Variants in LNPK observed in about 807,000 individuals in gnomAD.
LNPK encodes endoplasmic reticulum junction formation protein lunapark.
Under a neutral mutation model 55.2 loss-of-function variants are expected in LNPK, and 29 were observed. That is an observed-to-expected ratio of 0.53 (90% confidence interval 0.39 to 0.72). The LOEUF (loss-of-function observed/expected upper bound fraction) is 0.72, where lower values mean the gene tolerates loss of function less well. Ranked by LOEUF, LNPK falls within the 30% of genes least tolerant of loss-of-function variation. LNPK has a pLI of 0.00. For synonymous variants in LNPK, 162 were observed against 168.2 expected, an observed-to-expected ratio of 0.96 and a Z score of 0.29; for missense variants, 467 against 494.8, an observed-to-expected ratio of 0.94 and a Z score of 0.53.
chr2:175,936,894 A>C (rs1467800005), intron 12 of LNPK, among the ~76,000 whole-genome samples: 2 of 152,220 alleles, frequency 1.3e-5, no homozygotes, highest in Non-Finnish European at 2.9e-5. Context: ...ATAACTTTAT[A>C]ATTCCAAAGT....
At chr2:175,956,877 T>C (rs1685720683) in intron 8 of LNPK, among the ~76,000 whole-genome samples, 1 of 152,042 alleles carries the variant, frequency 6.6e-6, no homozygotes, top group African/African-American at 2.4e-5. Context: ...AAACCAACCA[T>C]TTGCCTACTC....
chr2:175,947,484 T>G lies in LNPK; in HGVS notation c.702A>C (p.Gly234=). ...HLGSPATSVP[G]MGLHPPGPPL... Reference sequence around the variant, plus strand: ...AACATTAAGTGCTCTGTTTACCCATTCCAGGCACTGAAGTAGCAGGGGATC... The same window carrying G: ...AACATTAAGTGCTCTGTTTACCCATGCCAGGCACTGAAGTAGCAGGGGATC... The change falls in exon 9 of 13, where the codon GGA becomes GGC. Residue 234 remains glycine, a synonymous_variant. Transcript: ENST00000272748. The G allele has an allele frequency of 6.2e-7, 1 of 1,611,948 alleles. No homozygotes were observed. The highest frequency in any genetic ancestry group is 8.5e-7 in the Non-Finnish European group (1 of 1,178,592).
In LNPK at chr2:175,970,874, C is replaced by T. The variant is rs577300408; in HGVS notation, c.317-70G>A. Reference sequence around the variant, plus strand: ...AGAAAAAATCACGCCAAATGACACACGGTAGCAAACACAAGAAAACTTTCT... The same window carrying T: ...AGAAAAAATCACGCCAAATGACACATGGTAGCAAACACAAGAAAACTTTCT... On this transcript the variant is annotated intron_variant, in intron 5 of 12. Transcript: ENST00000272748. 7.5e-5 allele frequency: 94 copies of T among 1,248,376 alleles called. 1 individual carries two copies. The South Asian group carries it at 1.0e-3, about 13-fold the overall frequency. The allele number at this position is 1,248,376 out of a possible 1,614,324, so 77.3% of individuals were successfully genotyped here. A position where few individuals can be genotyped will look rare whatever the true frequency, so the allele number is the denominator to read the frequency against.
intron 6 of LNPK, among the ~76,000 whole-genome samples, chr2:175,965,684 G>A (rs903595944): frequency 6.6e-6 from 1 of 151,982 alleles, no homozygotes; most frequent in African/African-American, 2.4e-5. Flanking sequence ...TATTAGCCTT[G>A]CCTTGGTTTA....
chr2:175,929,101 A>T lies in LNPK; in HGVS notation c.*866T>A. On this transcript the variant is annotated 3_prime_UTR_variant, in exon 13 of 13. Transcript: ENST00000272748. Reference sequence around the variant, plus strand: ...CAAGATACTGTTTGAAGAAGACTAGATATTTAGCAAAATGAAACTGATGCC... The same window carrying T: ...CAAGATACTGTTTGAAGAAGACTAGTTATTTAGCAAAATGAAACTGATGCC... 1 of 985,402 alleles carries T rather than the reference A, an allele frequency of 1.0e-6. No individual in the cohort carries two copies. Among genetic ancestry groups the T allele is most frequent in the Non-Finnish European group, 1.2e-6 (1 of 829,534 alleles). 61.0% of individuals were successfully genotyped at this position (985,402 alleles called of 1,614,324 possible).
chr2:175,938,222 A>C (rs1203143287), intron 11 of LNPK, 91 bp downstream of exon 11: 1 of 764,278 alleles, frequency 1.3e-6, no homozygotes, highest in African/African-American at 1.8e-5. Context: ...CAAAGAGAGT[A>C]TATAAAATAA....
At chr2:175,944,342 T>C (rs1452618852) in intron 9 of LNPK, among the ~76,000 whole-genome samples, 1 of 152,050 alleles carries the variant, frequency 6.6e-6, no homozygotes, top group Non-Finnish European at 1.5e-5. Context: ...ATACTAATGG[T>C]GAGTTGGGAG....
intron 1 of LNPK, among the ~76,000 whole-genome samples, chr2:175,997,703 C>CTTTATATGTGTGTG (rs1491566543): frequency 2.1e-3 from 97 of 45,868 alleles, no homozygotes; most frequent in African/African-American, 5.9e-3. Flanking sequence ...AAAACAAATG[C>CTTTATATGTGTGTG]TCTGTGTGTG....
chr2:175,930,952 G>A (rs181370818), intron 12 of LNPK, among the ~76,000 whole-genome samples: 31 of 152,150 alleles, frequency 2.0e-4, no homozygotes, highest in African/African-American at 7.5e-4. Context: ...AACTCTCTAA[G>A]TATTATTGAA....
intron 9 of LNPK, among the ~76,000 whole-genome samples, chr2:175,946,735 A>G (rs1298876784): frequency 2.0e-5 from 3 of 152,148 alleles, no homozygotes; most frequent in African/African-American, 7.2e-5. Context: ...CATTAGAATA[A>G]TCTAAAACAA....
At chr2:175,944,936 G>T (rs1685046103) in intron 9 of LNPK, among the ~76,000 whole-genome samples, 2 of 146,378 alleles carry the variant, frequency 1.4e-5, no homozygotes, top group Admixed American at 6.8e-5. Context: ...AGTACACTTT[G>T]TTTTTTTTTT....
At chr2:175,930,225 T>C (rs1001148807) in intron 12 of LNPK, 26 bp from the exon 13 acceptor site, 3 of 1,597,716 alleles carry the variant, frequency 1.9e-6, no homozygotes, top group Non-Finnish European at 2.6e-6. Flanking sequence ...TTCAAAACTT[T>C]AGGAATACCT....
At position 175,964,525 on chromosome 2, in the gene LNPK, G is replaced by A. The variant is rs771763415; in HGVS notation, c.422C>T (p.Pro141Leu). The change falls in exon 7 of 13, where the codon CCG becomes CTG. Residue 141 changes from proline to leucine, a missense_variant. Coordinates refer to ENST00000272748, the MANE Select transcript of LNPK (RefSeq NM_030650.3). ...TCTTACCTTTGCTTTCTTTGAGTCC[G>A]GATCAAACCTTTCAAGAATTAATTT... ...TAKLILERFD[P>L]DSKKAKECEP... is the part of the protein sequence containing the mutation. The A allele has an allele frequency of 1.4e-5, 23 of 1,608,454 alleles. No homozygotes were observed. The highest frequency in any genetic ancestry group is 2.7e-5 in the African/African-American group (2 of 74,768).
intron 12 of LNPK, among the ~76,000 whole-genome samples, chr2:175,933,331 G>A (rs561046175): frequency 2.8e-4 from 43 of 152,120 alleles, no homozygotes; most frequent in South Asian, 1.5e-3. Flanking sequence ...TCATGTTTAG[G>A]TTTTTACTCT....
chr2:175,978,910 T>C (rs1029674113), intron 5 of LNPK, among the ~76,000 whole-genome samples: 1 of 152,096 alleles, frequency 6.6e-6, no homozygotes, highest in Non-Finnish European at 1.5e-5. Context: ...GGGTAGATTA[T>C]AGGATCTAAT....
intron 4 of LNPK, 149 bp downstream of exon 4, chr2:175,992,082 T>C (rs1275452734): frequency 1.9e-6 from 1 of 537,900 alleles, no homozygotes; most frequent in Non-Finnish European, 3.1e-6. Flanking sequence ...ATTGTTCTAC[T>C]AAAAAAATCT....
At chr2:175,947,385 G>A (rs1685185356) in intron 9 of LNPK, 95 bp downstream of exon 9, 2 of 988,162 alleles carry the variant, frequency 2.0e-6, no homozygotes, top group African/African-American at 3.2e-5. Flanking sequence ...ATTTCCAAAT[G>A]AAATGCCATT....
chr2:175,953,220 G>A (rs1023485221), intron 8 of LNPK, among the ~76,000 whole-genome samples: 2 of 151,858 alleles, frequency 1.3e-5, no homozygotes, highest in African/African-American at 4.8e-5. Context: ...ACTCTTAAAT[G>A]TCAATGTTCC....
Position 175,929,893 on chromosome 2 carries a change from A to C in LNPK, c.*74T>G. 1 of 1,581,242 alleles carries C rather than the reference A, an allele frequency of 6.3e-7. No individual in the cohort carries two copies. The highest frequency in any genetic ancestry group is 2.3e-5 in the East Asian group (1 of 44,414). On this transcript the variant is annotated 3_prime_UTR_variant, in exon 13 of 13. Coordinates refer to ENST00000272748, the MANE Select transcript of LNPK (RefSeq NM_030650.3). ...TACCCTTAGAGGGGCAAAAAAAGTA[A>C]GTGCCACCGAAAAAGCAATAACTGA... is the stretch of plus-strand genomic sequence containing the variant.
Sources: allele counts gnomAD v4.1 joint callset (sites outside exome capture counted in the v4.1 genomes callset), GRCh38; gene constraint gnomAD v4.1.1; transcripts MANE v1.5; gene names NCBI Gene and HGNC (gene_info 2026-07-23, HGNC 2026-07-21).